ANAPC4: variants seen among roughly 807,000 people sequenced by gnomAD.
ANAPC4 encodes anaphase promoting complex subunit 4.
In ANAPC4, 63 loss-of-function variants were observed where a neutral mutation model predicts 119.8. The observed-to-expected ratio is 0.53, with a 90% CI of 0.43 to 0.65. The LOEUF (loss-of-function observed/expected upper bound fraction) is 0.65, where lower values mean the gene tolerates loss of function less well. Among genes scored for constraint, ANAPC4 ranks in the 30% least tolerant of loss-of-function variants. The probability of loss-of-function intolerance (pLI) is 0.00; values close to 1 mark genes in which losing one functional copy is unlikely to be tolerated. For synonymous variants in ANAPC4, 283 were observed against 318.6 expected (o/e 0.89, Z 1.19); for missense variants, 716 against 945.1 (o/e 0.76, Z 3.18).
chr4:25,385,089 T>C (rs1365312440), intron 4 of ANAPC4, among the ~76,000 whole-genome samples: 1 of 152,178 alleles, frequency 6.6e-6, no homozygotes, highest in Non-Finnish European at 1.5e-5. Context: ...TTTAGCATAA[T>C]TGTTAAGGGC....
intron 12 of ANAPC4, 80 bp downstream of exon 12, chr4:25,394,454 A>G: frequency 2.4e-6 from 3 of 1,273,962 alleles, no homozygotes; most frequent in South Asian, 1.5e-5. Context: ...GTTTATAGTC[A>G]TAGTATGTGA....
chr4:25,417,121 ATTTCT>A (rs1723927636), intron 27 of ANAPC4: 1 of 151,778 alleles, frequency 6.6e-6, no homozygotes, highest in South Asian at 2.1e-4. Context: ...GAATTACAGT[ATTTCT>A]TTTCTTTTTT....
At position 25,414,524 on chromosome 4, in the gene ANAPC4, C is replaced by T. The variant is rs778183412; in HGVS notation, c.1724+20C>T. 6 of 1,590,640 alleles carry T rather than the reference C, an allele frequency of 3.8e-6. No homozygotes were observed. The highest frequency in any genetic ancestry group is 1.7e-4 in the Middle Eastern group (1 of 5,954). On this transcript the variant is annotated intron_variant, in intron 24 of 28. Coordinates refer to ENST00000315368, the MANE Select transcript of ANAPC4 (RefSeq NM_013367.3). ...TTTTCTGTAAGTATATATTTCTTCCCTATCTTGAGTGAACAATACAATTTT... is the reference window on the plus strand; with the variant it reads ...TTTTCTGTAAGTATATATTTCTTCCTTATCTTGAGTGAACAATACAATTTT...
intron 4 of ANAPC4, 27 bp from the exon 5 acceptor site, chr4:25,388,473 A>G (rs767804612): frequency 1.4e-6 from 2 of 1,450,436 alleles, no homozygotes; most frequent in East Asian, 2.3e-5. Context: ...TGGTGTTTTT[A>G]TAATGCTTTT....
Position 25,411,613 on chromosome 4 carries a change from G to A in ANAPC4, c.1525+1822G>A, listed in dbSNP as rs143993783. On this transcript the variant is annotated intron_variant, in intron 21 of 28. Transcript: ENST00000315368. ...GGGTTGGAAGCTGCTCTACTACTTC[G>A]TAGTAACACGGCTGAGAGCAAGTTG... Among the ~76,000 whole-genome samples the A allele has an allele frequency of 3.1e-3, 473 of 152,262 alleles. 5 individuals carry two copies. The highest frequency in any genetic ancestry group is 0.011 in the African/African-American group (449 of 41,544).
chr4:25,415,967 C>T (rs1204310092), intron 26 of ANAPC4: 1 of 167,000 alleles, frequency 6.0e-6, no homozygotes, highest in Non-Finnish European at 1.3e-5. Flanking sequence ...AGTGACTAAT[C>T]ATAGGCTGAT....
At chr4:25,388,047 T>C (rs1176622970) in intron 4 of ANAPC4, among the ~76,000 whole-genome samples, 1 of 152,124 alleles carries the variant, frequency 6.6e-6, no homozygotes, top group African/African-American at 2.4e-5. Context: ...GATGATGGCT[T>C]TAGCTCAGAA....
rs534425964 is a variant in ANAPC4, at chr4:25,393,822, A to G, written c.807A>G (p.Leu269=). 3 of 1,601,644 alleles carry G rather than the reference A, an allele frequency of 1.9e-6. No individual in the cohort carries two copies. In the South Asian group the frequency reaches 3.4e-5, roughly 18 times the overall value. Residue 269 remains leucine (L), a synonymous_variant, in exon 11 of 29, where the codon CTA becomes CTG. Coordinates refer to ENST00000315368, the MANE Select transcript of ANAPC4 (RefSeq NM_013367.3). Reference sequence around the variant, plus strand: ...GCTAATAGTATATAAATTTGTCACTAACATGTATGTGTGAAGCATGGGAAG... The same window carrying G: ...GCTAATAGTATATAAATTTGTCACTGACATGTATGTGTGAAGCATGGGAAG... ...SALLQYINLS[L]TCMCEAWEEI... is the part of the protein sequence containing the mutation.
chr4:25,390,857 AGCTTCAACC>A, intron 8 of ANAPC4, 45 bp from the exon 9 acceptor site: 1 of 1,351,700 alleles, frequency 7.4e-7, no homozygotes, highest in Non-Finnish European at 1.0e-6. Flanking sequence ...CATGATAATC[AGCTTCAACC>A]TAGCAGTGAT....
At position 25,390,212 on chromosome 4, in the gene ANAPC4, G is replaced by C. The variant is rs979290652; in HGVS notation, c.592G>C (p.Val198Leu). ...TTATGGAATGTTTAAAATTGCTCGA[G>C]TCACAGGGGTAAGATTTCTTTAACA... The part of the protein sequence containing the change: ...YAYGMFKIAR[V>L]TGIAGTCLAL... The change falls in exon 8 of 29, where the codon GTC (valine) becomes CTC (leucine). Residue 198 changes from valine (V) to leucine (L), a missense_variant. Coordinates refer to ENST00000315368, the MANE Select transcript of ANAPC4 (RefSeq NM_013367.3). The C allele has an allele frequency of 6.2e-7, 1 of 1,609,348 alleles. No homozygotes were observed. Among genetic ancestry groups the C allele is most frequent in the African/African-American group, 1.3e-5 (1 of 74,892 alleles).
rs112288946 is a variant in ANAPC4 at position 25,398,020 on chromosome 4, C to T, written c.1214+1121C>T. On this transcript the variant is annotated intron_variant, in intron 16 of 28. Transcript: ENST00000315368. ...GGCTCAAGTGATCCTCTTGCCTCAGCCTCCTGAGGAGCTGGGACTACAGGA... is the reference window on the plus strand; with the variant it reads ...GGCTCAAGTGATCCTCTTGCCTCAGTCTCCTGAGGAGCTGGGACTACAGGA... Among the ~76,000 whole-genome samples, 290 of 152,212 alleles carry T rather than the reference C, an allele frequency of 1.9e-3. 1 individual carries two copies. The highest frequency in any genetic ancestry group is 6.1e-3 in the African/African-American group (253 of 41,532).
At chr4:25,417,784 T>TA (rs1027273395) in intron 28 of ANAPC4, 45 bp downstream of exon 28, 8 of 1,568,550 alleles carry the variant, frequency 5.1e-6, no homozygotes, top group East Asian at 2.2e-5. Context: ...TTACAAGAAG[T>TA]AACGTTGCTT....
At position 25,394,337 on chromosome 4, in the gene ANAPC4, G is replaced by C; in HGVS notation, c.904G>C (p.Asp302His). 6.3e-7 allele frequency: 1 copy of C among 1,586,612 alleles called. No homozygotes were observed. Among genetic ancestry groups the C allele is most frequent in the Non-Finnish European group, 8.5e-7 (1 of 1,173,520 alleles). The change falls in exon 12 of 29, where the codon GAT becomes CAT. Residue 302 changes from aspartate to histidine, a missense_variant. Transcript: ENST00000315368. ...QEKNTTTSVQ[D>H]EFMHLLLWGK... ...AAAGAACACAACCACATCAGTGCAA[G>C]ATGAGTTCATGCACTTGCTATTATG...
Position 25,380,395 on chromosome 4 carries a change from A to G in ANAPC4, c.151A>G (p.Ser51Gly), listed in dbSNP as rs1216988496. The G allele has an allele frequency of 2.5e-6, 4 of 1,613,236 alleles. No individual in the cohort carries two copies. Among genetic ancestry groups the G allele is most frequent in the Non-Finnish European group, 3.4e-6 (4 of 1,179,554 alleles). ...TTAGGTTTTACTTCATCGACTGGCA[A>G]GTTTTCATCGAGTTTGGAGTTTTCC... ...AGEVLLHRLA[S>G]FHRVWSFPPN... Residue 51 changes from serine (S) to glycine (G), a missense_variant, in exon 3 of 29, where the codon AGT becomes GGT. This residue lies in a region of ANAPC4 where 202 missense variants were observed against 293.5 expected (regional missense o/e 0.69). Transcript: ENST00000315368.
At chr4:25,379,043 A>C (rs1214776273) in intron 2 of ANAPC4, among the ~76,000 whole-genome samples, 1 of 152,170 alleles carries the variant, frequency 6.6e-6, no homozygotes, top group Non-Finnish European at 1.5e-5. Context: ...AATAGACTGT[A>C]TCCTGGTGAG....
At chr4:25,386,249 G>A (rs1722029494) in intron 4 of ANAPC4, among the ~76,000 whole-genome samples, 1 of 151,818 alleles carries the variant, frequency 6.6e-6, no homozygotes, top group Non-Finnish European at 1.5e-5. Context: ...TTATCATTCT[G>A]TCACCCAGGC....
chr4:25,401,747 T>C (rs1197356090), intron 16 of ANAPC4, among the ~76,000 whole-genome samples: 3 of 152,234 alleles, frequency 2.0e-5, no homozygotes, highest in Admixed American at 2.0e-4. Flanking sequence ...TTTTTGTTTT[T>C]GTGAGTTTCT....
In ANAPC4 at chr4:25,377,291, G is replaced by A; in HGVS notation, c.-64G>A. 2 of 1,238,220 alleles carry A rather than the reference G, an allele frequency of 1.6e-6. No individual in the cohort carries two copies. Among genetic ancestry groups the A allele is most frequent in the Non-Finnish European group, 2.2e-6 (2 of 919,650 alleles). 76.7% of individuals were successfully genotyped at this position (1,238,220 alleles called of 1,614,324 possible). On this transcript the variant is annotated 5_prime_UTR_variant, in exon 1 of 29. Coordinates refer to ENST00000315368, the MANE Select transcript of ANAPC4 (RefSeq NM_013367.3). ...GAGGCTGTGGCGCGCGGCCGGCAGA[G>A]GGAGGGGAGAGGCCACTGGGGCCGT...
At chr4:25,381,814 G>A (rs931800742) in intron 3 of ANAPC4, among the ~76,000 whole-genome samples, 1 of 152,104 alleles carries the variant, frequency 6.6e-6, no homozygotes, top group Non-Finnish European at 1.5e-5. Flanking sequence ...CAGGCGTGGT[G>A]GTGGGCACCT....
Sources: allele counts gnomAD v4.1 joint callset (sites outside exome capture counted in the v4.1 genomes callset), GRCh38; gene constraint gnomAD v4.1.1; regional missense constraint gnomAD v4.1.1; transcripts MANE v1.5; gene names NCBI Gene and HGNC (gene_info 2026-07-23, HGNC 2026-07-21).